Variants in JAKMIP1 observed in about 807,000 individuals in gnomAD.
JAKMIP1 encodes the protein janus kinase and microtubule interacting protein 1, also known as janus kinase and microtubule-interacting protein 1.
Under a neutral mutation model 113.0 loss-of-function variants are expected in JAKMIP1, and 33 were observed. The observed-to-expected ratio is 0.29, with a 90% CI of 0.22 to 0.39. JAKMIP1 has a LOEUF of 0.39. JAKMIP1 is among the 10% of genes least tolerant of loss of function. JAKMIP1 has a pLI of 1.00. For synonymous variants in JAKMIP1, 480 were observed against 459.9 expected, an observed-to-expected ratio of 1.04 and a Z score of -0.56; for missense variants, 813 against 1,080.5, an observed-to-expected ratio of 0.75 and a Z score of 3.47.
At chr4:6,112,686 C>A (rs748568941) in intron 2 of JAKMIP1, 36 bp downstream of exon 2, 1 of 1,604,254 alleles carries the variant, frequency 6.2e-7, no homozygotes, top group South Asian at 1.1e-5. Context: ...GGGACATTTG[C>A]AGCCCAGCCG....
intron 3 of JAKMIP1, among the ~76,000 whole-genome samples, chr4:6,091,604 G>C (rs1722074058): frequency 6.6e-6 from 1 of 152,146 alleles, no homozygotes; most frequent in African/African-American, 2.4e-5. Context: ...GAATCACTCA[G>C]GGCAGCCTCT....
rs1038645878 is a variant in JAKMIP1, at chr4:6,040,016, T to G, written c.2175+623A>C. Among the ~76,000 whole-genome samples the G allele has an allele frequency of 6.6e-6, 1 of 152,212 alleles. No individual in the cohort carries two copies. The highest frequency in any genetic ancestry group is 6.5e-5 in the Admixed American group (1 of 15,282). ...AGGAATGACATTGAACTCTAAATTC[T>G]CTCTCCTGCAGCGACAAGTTTCTAT... On this transcript the variant is annotated intron_variant, in intron 18 of 20. Coordinates refer to ENST00000409021, the MANE Select transcript of JAKMIP1 (RefSeq NM_001099433.2). The surrounding 1 kb of genome is among the most constrained non-coding windows in gnomAD (Gnocchi z 5.8).
At position 6,067,887 on chromosome 4, in the gene JAKMIP1, A is replaced by G. The variant is rs6847339; in HGVS notation, c.1303-2879T>C. Among the ~76,000 whole-genome samples the G allele has an allele frequency of 0.52, 76,062 of 147,168 alleles. 23,292 individuals are homozygous for G. Among genetic ancestry groups the G allele is most frequent in the African/African-American group, 0.85 (32,763 of 38,400 alleles). Reference sequence around the variant, plus strand: ...AGCTCCACGTTCCACATTTTTCTGAACAGCCACTGAGCTGACCTTATTTCT... The same window carrying G: ...AGCTCCACGTTCCACATTTTTCTGAGCAGCCACTGAGCTGACCTTATTTCT... On this transcript the variant is annotated intron_variant, in intron 8 of 20. Transcript: ENST00000409021. This position sits in a 1 kb window ranked among gnomAD's most constrained non-coding sequence, Gnocchi z 4.6.
chr4:6,117,376 CCAA>C (rs1174828627), intron 1 of JAKMIP1, among the ~76,000 whole-genome samples: 2 of 152,134 alleles, frequency 1.3e-5, no homozygotes, highest in Non-Finnish European at 2.9e-5. Flanking sequence ...GCCACAAAAA[CCAA>C]CAAGTTTTTA....
rs1416237554 is a variant in JAKMIP1, at chr4:6,135,342, C to A, written c.-147-22345G>T. ...ACATAGAAGGAAGACCATGTGAGGA[C>A]ATGGGGAGAAGACGGCCGTCTACAA... On this transcript the variant is annotated intron_variant, in intron 1 of 20. Transcript: ENST00000409021. The surrounding 1 kb of genome is among the most constrained non-coding windows in gnomAD (Gnocchi z 4.9). 6.6e-6 allele frequency among the ~76,000 whole-genome samples: 1 copy of A among 152,112 alleles called. No homozygotes were observed. Among genetic ancestry groups the A allele is most frequent in the African/African-American group, 2.4e-5 (1 of 41,420 alleles).
chr4:6,103,954 T>A (rs1021103518), intron 3 of JAKMIP1, among the ~76,000 whole-genome samples: 3 of 152,122 alleles, frequency 2.0e-5, no homozygotes, highest in African/African-American at 7.2e-5. Flanking sequence ...CTTTATTGAT[T>A]TTATTTCACT....
intron 1 of JAKMIP1, among the ~76,000 whole-genome samples, chr4:6,115,688 G>A (rs1715637490): frequency 6.6e-6 from 1 of 152,186 alleles, no homozygotes; most frequent in Admixed American, 6.5e-5. Flanking sequence ...GCTTTTAAGA[G>A]GAAACAGTGC....
chr4:6,082,055 T>C (rs1372705689), intron 5 of JAKMIP1, among the ~76,000 whole-genome samples: 1 of 152,012 alleles, frequency 6.6e-6, no homozygotes, highest in Non-Finnish European at 1.5e-5. Context: ...TAAATATCTA[T>C]CAATATCATG....
Position 6,140,998 on chromosome 4 carries a change from A to G in JAKMIP1, c.-147-28001T>C, listed in dbSNP as rs980895809. On this transcript the variant is annotated intron_variant, in intron 1 of 20. Transcript: ENST00000409021. The surrounding 1 kb of genome is among the most constrained non-coding windows in gnomAD (Gnocchi z 9.4). ...CCCAGAGCTGGGTGACGGCAGAGCC[A>G]GCCCTGTGGGCCAGGCATCTGGGAC... 3.7e-4 allele frequency among the ~76,000 whole-genome samples: 56 copies of G among 152,194 alleles called. No individual in the cohort carries two copies. The highest frequency in any genetic ancestry group is 7.3e-5 in the Non-Finnish European group (5 of 68,042).
chr4:6,171,120 T>C (rs919508513), intron 1 of JAKMIP1, among the ~76,000 whole-genome samples: 1 of 131,914 alleles, frequency 7.6e-6, no homozygotes, highest in South Asian at 2.6e-4. Context: ...CACCACCACA[T>C]CATCATCTCC....
rs1377633711 is a variant in JAKMIP1 at position 6,097,196 on chromosome 4, C to T, written c.624+8277G>A. Among the ~76,000 whole-genome samples the T allele has an allele frequency of 6.6e-6, 1 of 152,090 alleles. No individual in the cohort carries two copies. The highest frequency in any genetic ancestry group is 1.5e-5 in the Non-Finnish European group (1 of 68,006). On this transcript the variant is annotated intron_variant, in intron 3 of 20. Coordinates refer to ENST00000409021, the MANE Select transcript of JAKMIP1 (RefSeq NM_001099433.2). The surrounding 1 kb of genome is among the most constrained non-coding windows in gnomAD (Gnocchi z 4.3). ...TTTAAATTTTTTGTAGAGGCAAGAC[C>T]TCACTGCCCAGGATGGTCTCAAACT...
At chr4:6,055,619 G>A (rs1359095273) in intron 12 of JAKMIP1, among the ~76,000 whole-genome samples, 1 of 152,238 alleles carries the variant, frequency 6.6e-6, no homozygotes, top group Non-Finnish European at 1.5e-5. Context: ...GCGGCCTGGA[G>A]CCCAGTGTCA....
At position 6,088,541 on chromosome 4, in the gene JAKMIP1, G is replaced by C. The variant is rs1422079355; in HGVS notation, c.625-2912C>G. Among the ~76,000 whole-genome samples, 1 of 152,180 alleles carries C rather than the reference G, an allele frequency of 6.6e-6. No individual in the cohort carries two copies. Among genetic ancestry groups the C allele is most frequent in the Non-Finnish European group, 1.5e-5 (1 of 68,036 alleles). ...CTAGTAAGTGAGACAGAGGGCTTCT[G>C]CCCCAGTCATCACAAGAAAGTTTCC... On this transcript the variant is annotated intron_variant, in intron 3 of 20. Transcript: ENST00000409021. The surrounding 1 kb of genome is among the most constrained non-coding windows in gnomAD (Gnocchi z 5.5).
chr4:6,073,701 T>C (rs1333994082), intron 8 of JAKMIP1, among the ~76,000 whole-genome samples: 1 of 152,160 alleles, frequency 6.6e-6, no homozygotes, highest in Non-Finnish European at 1.5e-5. Flanking sequence ...TAATGTTCAT[T>C]TTAAGAATCA....
chr4:6,184,829 A>G lies in JAKMIP1; in HGVS notation c.-148+15424T>C, dbSNP rs1245411570. ...GTGAGGATCTTACCAAAGGAGATTCACATTTCAGTCAGTGGACTGGGAGAG... is the reference window on the plus strand; with the variant it reads ...GTGAGGATCTTACCAAAGGAGATTCGCATTTCAGTCAGTGGACTGGGAGAG... On this transcript the variant is annotated intron_variant, in intron 1 of 20. Coordinates refer to ENST00000409021, the MANE Select transcript of JAKMIP1 (RefSeq NM_001099433.2). This position sits in a 1 kb window ranked among gnomAD's most constrained non-coding sequence, Gnocchi z 4.5. 6.6e-6 allele frequency among the ~76,000 whole-genome samples: 1 copy of G among 152,220 alleles called. No individual in the cohort carries two copies. Among genetic ancestry groups the G allele is most frequent in the Non-Finnish European group, 1.5e-5 (1 of 68,028 alleles).
At chr4:6,037,448 C>T (rs1410947636) in intron 18 of JAKMIP1, among the ~76,000 whole-genome samples, 2 of 123,580 alleles carry the variant, frequency 1.6e-5, no homozygotes, top group African/African-American at 8.3e-5. Context: ...AGAGGTTAAC[C>T]CAGTAGCCCT....
At chr4:6,078,806 A>C in intron 8 of JAKMIP1, 133 bp downstream of exon 8, 1 of 747,258 alleles carries the variant, frequency 1.3e-6, no homozygotes, top group Non-Finnish European at 2.3e-6. Context: ...CAGGCTTTTC[A>C]TCATCAGGCA....
rs960405084 is a variant in JAKMIP1, at chr4:6,155,953, A to G, written c.-147-42956T>C. Reference sequence around the variant, plus strand: ...GTGAGAACCGCTGCTGGGGATGAATATCTACTGCCACGGAAAGGGTCAGCT... The same window carrying G: ...GTGAGAACCGCTGCTGGGGATGAATGTCTACTGCCACGGAAAGGGTCAGCT... On this transcript the variant is annotated intron_variant, in intron 1 of 20. Coordinates refer to ENST00000409021, the MANE Select transcript of JAKMIP1 (RefSeq NM_001099433.2). The surrounding 1 kb of genome is among the most constrained non-coding windows in gnomAD (Gnocchi z 6.1). Among the ~76,000 whole-genome samples, 5 of 152,172 alleles carry G rather than the reference A, an allele frequency of 3.3e-5. No homozygotes were observed. The highest frequency in any genetic ancestry group is 1.2e-4 in the African/African-American group (5 of 41,432).
At position 6,051,531 on chromosome 4, in the gene JAKMIP1, C is replaced by T. The variant is rs1365984383; in HGVS notation, c.1807-852G>A. Among the ~76,000 whole-genome samples the T allele has an allele frequency of 2.6e-5, 4 of 151,822 alleles. No homozygotes were observed. Among genetic ancestry groups the T allele is most frequent in the African/African-American group, 9.7e-5 (4 of 41,332 alleles). ...CTGGGATTACAGGCGTAAGCCACCT[C>T]GCCCGGCCCCAAAGGCTGACTTTCT... On this transcript the variant is annotated intron_variant, in intron 13 of 20. Transcript: ENST00000409021. This position sits in a 1 kb window ranked among gnomAD's most constrained non-coding sequence, Gnocchi z 5.0.
Sources: allele counts gnomAD v4.1 joint callset (sites outside exome capture counted in the v4.1 genomes callset), GRCh38; gene constraint gnomAD v4.1.1; non-coding constraint Gnocchi (gnomAD v3.1); transcripts MANE v1.5; gene names NCBI Gene and HGNC (gene_info 2026-07-23, HGNC 2026-07-21).